Variants in API5 observed in about 807,000 individuals in gnomAD.
API5 encodes FIF.
A neutral mutation model predicts 71.9 loss-of-function variants in API5; 6 were observed. The observed-to-expected ratio is 0.08, with a 90% confidence interval of 0.05 to 0.16. The LOEUF (loss-of-function observed/expected upper bound fraction) is 0.16. Among genes scored for constraint, API5 ranks in the 10% least tolerant of loss-of-function variants. The probability of loss-of-function intolerance (pLI) is 1.00; values close to 1 mark genes in which losing one functional copy is unlikely to be tolerated. For missense variants in API5, 332 were observed against 612.8 expected (o/e 0.54, Z 4.84); for synonymous variants, 189 against 221.3 (o/e 0.85, Z 1.30).
chr11:43,331,857 A>C (rs1855267805), intron 11 of API5, among the ~76,000 whole-genome samples: 1 of 152,200 alleles, frequency 6.6e-6, no homozygotes, highest in African/African-American at 2.4e-5. Context: ...ATATTATACT[A>C]ATCTCCTAAG....
rs748201946 is a variant in API5, at chr11:43,312,099, G to A, written c.-29G>A. On this transcript the variant is annotated 5_prime_UTR_variant, in exon 1 of 14. Transcript: ENST00000531273. ...TGGCGCCGGTCAGGACAAGGATAGC[G>A]GAACCGGGCCCTGGGCTTGTCGCTC... 6.8e-5 allele frequency: 110 copies of A among 1,612,524 alleles called. 1 individual carries two copies. In the Admixed American group the frequency reaches 1.8e-3, roughly 27 times the overall value.
chr11:43,314,057 C>T (rs1854586591), intron 1 of API5, among the ~76,000 whole-genome samples: 1 of 151,552 alleles, frequency 6.6e-6, no homozygotes. Context: ...CCACTGCACT[C>T]CAGCCTGGGC....
chr11:43,336,877 G>A (rs1479190916), intron 13 of API5, among the ~76,000 whole-genome samples: 2 of 151,848 alleles, frequency 1.3e-5, no homozygotes, highest in Non-Finnish European at 2.9e-5. Flanking sequence ...GTGTGGTGGC[G>A]GGCGCCTGTA....
intron 12 of API5, 106 bp downstream of exon 12, chr11:43,335,460 A>C: frequency 1.5e-6 from 1 of 675,232 alleles, no homozygotes; most frequent in Admixed American, 2.9e-5. Flanking sequence ...TAGCATGTTT[A>C]AATATGACTA....
At chr11:43,321,136 T>G (rs1590354991) in intron 3 of API5, among the ~76,000 whole-genome samples, 2 of 152,330 alleles carry the variant, frequency 1.3e-5, no homozygotes, top group East Asian at 3.9e-4. Context: ...GTGTAATGAC[T>G]AGATTCTTTT....
In API5 at chr11:43,342,535, T is replaced by C; in HGVS notation, c.*25T>C. On this transcript the variant is annotated 3_prime_UTR_variant, in exon 14 of 14. Transcript: ENST00000531273. ...AATAAGACATCAGCATTCTTCAGCATTGTCATGAGCTTAATATACTTAAAT... is the reference window on the plus strand; with the variant it reads ...AATAAGACATCAGCATTCTTCAGCACTGTCATGAGCTTAATATACTTAAAT... 2 of 1,609,556 alleles carry C rather than the reference T, an allele frequency of 1.2e-6. No homozygotes were observed. Among genetic ancestry groups the C allele is most frequent in the Non-Finnish European group, 1.7e-6 (2 of 1,175,958 alleles).
intron 9 of API5, 59 bp from the exon 10 acceptor site, chr11:43,329,906 G>T: frequency 1.4e-6 from 2 of 1,433,194 alleles, no homozygotes; most frequent in South Asian, 1.2e-5. Context: ...GTATAAGATT[G>T]AGTTTAAAAA....
intron 1 of API5, among the ~76,000 whole-genome samples, chr11:43,317,381 AT>A (rs895082028): frequency 4.1e-4 from 61 of 147,648 alleles, no homozygotes; most frequent in African/African-American, 1.2e-3. Flanking sequence ...AGCACCTGTG[AT>A]TTTTTTTTTT....
At chr11:43,334,631 A>C (rs1039777757) in intron 11 of API5, among the ~76,000 whole-genome samples, 1 of 152,186 alleles carries the variant, frequency 6.6e-6, no homozygotes, top group Non-Finnish European at 1.5e-5. Context: ...AGTTGTGAGG[A>C]TATTATCAGG....
At chr11:43,335,577 A>G (rs1232990956) in intron 12 of API5, among the ~76,000 whole-genome samples, 2 of 152,140 alleles carry the variant, frequency 1.3e-5, no homozygotes, top group African/African-American at 4.8e-5. Flanking sequence ...CTGTAGCAAA[A>G]CTAGATTTTT....
At position 43,320,880 on chromosome 11, in the gene API5, A is replaced by G. The variant is rs1290012052; in HGVS notation, c.291A>G (p.Arg97=). 4 of 1,612,220 alleles carry G rather than the reference A, an allele frequency of 2.5e-6. No individual in the cohort carries two copies. The highest frequency in any genetic ancestry group is 3.3e-5 in the Admixed American group (2 of 60,016). The stretch of plus-strand genomic sequence containing the variant: ...TTGCCACTGGAGAAAATCTTCCTCG[A>G]GTGGCAGATATACTAACGCAACTTT... ...PQFATGENLP[R]VADILTQLLQ... Residue 97 remains arginine, a synonymous_variant, in exon 3 of 14, where the codon CGA becomes CGG. Transcript: ENST00000531273.
chr11:43,322,239 T>C (rs1854919458), intron 5 of API5, 103 bp downstream of exon 5: 1 of 1,124,956 alleles, frequency 8.9e-7, no homozygotes, highest in African/African-American at 1.6e-5. Flanking sequence ...TATAAAATGA[T>C]ATATCATATA....
intron 1 of API5, 126 bp from the exon 2 acceptor site, chr11:43,318,514 A>C (rs1854754425): frequency 6.5e-7 from 1 of 1,548,116 alleles, no homozygotes; most frequent in Admixed American, 2.0e-5. Context: ...AAACCTCCCA[A>C]AATCAGCTTT....
intron 13 of API5, among the ~76,000 whole-genome samples, chr11:43,340,415 A>G (rs1449143132): frequency 3.9e-5 from 6 of 152,180 alleles, no homozygotes; most frequent in African/African-American, 1.4e-4. Context: ...TCTTCACAGA[A>G]ATTGCCACCA....
chr11:43,328,331 G>A (rs1397609431), intron 8 of API5, among the ~76,000 whole-genome samples: 2 of 152,156 alleles, frequency 1.3e-5, no homozygotes, highest in African/African-American at 4.8e-5. Context: ...AGTAAGCATA[G>A]TATAGTTGTT....
intron 13 of API5, among the ~76,000 whole-genome samples, chr11:43,337,922 G>C (rs1188344404): frequency 6.6e-6 from 1 of 152,126 alleles, no homozygotes; most frequent in African/African-American, 2.4e-5. Flanking sequence ...TGTGGAAAAA[G>C]AATGTGAAAA....
At chr11:43,340,254 A>C in intron 13 of API5, 1 of 344,058 alleles carries the variant, frequency 2.9e-6, no homozygotes. Context: ...AAGGAAAACT[A>C]CAAAACACTG....
chr11:43,328,021 A>G (rs1855132263), intron 8 of API5, 143 bp downstream of exon 8: 1 of 486,988 alleles, frequency 2.1e-6, no homozygotes, highest in Non-Finnish European at 3.5e-6. Flanking sequence ...TTCCTAGGCC[A>G]CATGTTGTTG....
intron 13 of API5, among the ~76,000 whole-genome samples, chr11:43,341,942 A>C (rs1855629898): frequency 6.6e-6 from 1 of 152,040 alleles, no homozygotes; most frequent in South Asian, 2.1e-4. Context: ...TGAGGCCTGC[A>C]GTTTGAGATC....
Sources: gnomAD v4.1 joint callset for allele counts (sites outside exome capture counted in the v4.1 genomes callset) on GRCh38, gnomAD v4.1.1 for gene constraint, MANE v1.5 for transcripts, NCBI Gene and HGNC (gene_info 2026-07-23, HGNC 2026-07-21) for gene names.